The following CSAD variants were observed in gnomAD, a reference collection of about 807,000 sequenced individuals.
CSAD encodes P-selectin cytoplasmic tail-associated protein.
Under a neutral mutation model 61.5 loss-of-function variants are expected in CSAD, and 47 were observed. That is an observed-to-expected ratio of 0.76 (90% CI 0.60 to 0.97). The LOEUF is 0.97. CSAD is among the 50% of genes least tolerant of loss of function. CSAD has a pLI of 0.00. For missense variants in CSAD, 611 were observed against 643.6 expected (o/e 0.95, Z 0.55); for synonymous variants, 245 against 252.7 (o/e 0.97, Z 0.29).
upstream of CSAD, chr12:53,181,010 C>T: frequency 2.3e-6 from 2 of 858,936 alleles, no homozygotes; most frequent in Non-Finnish European, 2.9e-6. Context: ...CGCACACCGC[C>T]CCCTGCCCGC....
intron 1 of CSAD, chr12:53,179,688 G>C (rs538002217): frequency 8.4e-6 from 10 of 1,191,284 alleles, no homozygotes; most frequent in African/African-American, 3.2e-5. Context: ...AAAAAGTTGA[G>C]AATCCTTGTC....
At chr12:53,177,002 A>ATTAC (rs1228923253) in intron 2 of CSAD, among the ~76,000 whole-genome samples, 2 of 152,160 alleles carry the variant, frequency 1.3e-5, no homozygotes, top group African/African-American at 4.8e-5. Flanking sequence ...AAGCACTGGG[A>ATTAC]TTACAGGTGT....
At chr12:53,161,235 C>A in intron 11 of CSAD, 38 bp downstream of exon 11, 1 of 1,613,676 alleles carries the variant, frequency 6.2e-7, no homozygotes, top group Non-Finnish European at 8.5e-7. Context: ...CTTGGCTCAG[C>A]CCACCCCACC....
intron 2 of CSAD, among the ~76,000 whole-genome samples, chr12:53,174,806 A>G (rs1014693104): frequency 6.6e-6 from 1 of 152,126 alleles, no homozygotes; most frequent in African/African-American, 2.4e-5. Context: ...ATATATATAT[A>G]TATGGAGGAA....
chr12:53,176,767 G>A (rs1941141526), intron 2 of CSAD, among the ~76,000 whole-genome samples: 1 of 152,032 alleles, frequency 6.6e-6, no homozygotes, highest in African/African-American at 2.4e-5. Context: ...AAGTTTTGCT[G>A]TATCACCCAG....
intron 10 of CSAD, among the ~76,000 whole-genome samples, chr12:53,165,981 T>C (rs528882204): frequency 2.6e-5 from 4 of 152,226 alleles, no homozygotes; most frequent in Admixed American, 2.6e-4. Flanking sequence ...AATTCTCACA[T>C]GCTACGACGT....
In CSAD at chr12:53,179,991, C is replaced by G. The variant is rs190750372; in HGVS notation, c.-91+741G>C. 14 of 1,488,486 alleles carry G rather than the reference C, an allele frequency of 9.4e-6. No homozygotes were observed. The African/African-American group carries it at 1.3e-4, about 13-fold the overall frequency. The allele number at this position is 1,488,486 out of a possible 1,614,324, so 92.2% of individuals were successfully genotyped here. The stretch of plus-strand genomic sequence containing the variant: ...TCAGGGTCTTTTCCACGTGTGGAGG[C>G]TAGTGTTTGATGCTGGACGGCCTGG... On this transcript the variant is annotated intron_variant, in intron 1 of 16. Transcript: ENST00000444623.
upstream of CSAD, chr12:53,181,120 C>T (rs1010044708): frequency 6.2e-6 from 6 of 967,332 alleles, no homozygotes; most frequent in African/African-American, 1.1e-4. Flanking sequence ...GCTCTGCTCC[C>T]GGTTGGTGCA....
intron 7 of CSAD, 69 bp downstream of exon 7, chr12:53,171,813 G>T: frequency 9.5e-7 from 1 of 1,049,906 alleles, no homozygotes; most frequent in Non-Finnish European, 1.5e-6. Context: ...AGACACTAGA[G>T]CAAGAGAACG....
intron 16 of CSAD, 175 bp downstream of exon 16, chr12:53,159,448 T>C (rs2272305): frequency 0.068 from 42,038 of 615,874 alleles, 1,965 homozygotes; most frequent in East Asian, 0.19. Context: ...GCTTCTTACT[T>C]CCCAGAAACA....
At position 53,159,958 on chromosome 12, in the gene CSAD, A is replaced by G. The variant is rs1015667156; in HGVS notation, c.1167-20T>C. 17 of 1,606,284 alleles carry G rather than the reference A, an allele frequency of 1.1e-5. No homozygotes were observed. The highest frequency in any genetic ancestry group is 1.4e-5 in the Non-Finnish European group (16 of 1,175,664). On this transcript the variant is annotated intron_variant, in intron 14 of 16. Transcript: ENST00000444623. Reference sequence around the variant, plus strand: ...AGGTACCTGTGAACAGAGAGTGAGAAACCATAGGCGGGGAGGAAAAGCAGA... The same window carrying G: ...AGGTACCTGTGAACAGAGAGTGAGAGACCATAGGCGGGGAGGAAAAGCAGA...
At chr12:53,169,041 G>T (rs992525857) in intron 10 of CSAD, among the ~76,000 whole-genome samples, 5 of 151,706 alleles carry the variant, frequency 3.3e-5, no homozygotes, top group African/African-American at 1.2e-4. Context: ...TTAGCCAGGC[G>T]TGTTGATGCA....
Position 53,172,539 on chromosome 12 carries a change from C to A in CSAD, c.236G>T (p.Arg79Leu). ...GGGCCCACCAGTCTTGACACTGTAG[C>A]GAATCACAGCCCGACACCGCTCCAG... ...QILERCRAVIRYSVKTGHPRF... is the reference protein window; with the variant it reads ...QILERCRAVILYSVKTGHPRF... The change falls in exon 5 of 17, where the codon CGC becomes CTC. Residue 79 changes from arginine to leucine, a missense_variant. By Grantham distance (102) the Arg-to-Leu change is moderately radical. Coordinates refer to ENST00000444623, the MANE Select transcript of CSAD (RefSeq NM_001244705.2). 6.2e-7 allele frequency: 1 copy of A among 1,614,096 alleles called. No individual in the cohort carries two copies. Among genetic ancestry groups the A allele is most frequent in the Non-Finnish European group, 8.5e-7 (1 of 1,179,998 alleles).
At chr12:53,181,108 C>T (rs1470437208), upstream of CSAD, 1 of 951,304 alleles carries the variant, frequency 1.1e-6, no homozygotes, top group Admixed American at 6.2e-5. Context: ...CGGCACTCTC[C>T]GGCTCTGCTC....
chr12:53,178,383 T>A (rs551683409), intron 2 of CSAD: 1 of 455,908 alleles, frequency 2.2e-6, no homozygotes, highest in Admixed American at 2.4e-5. Flanking sequence ...TCCCAACTAC[T>A]TGGGAGGCTA....
At chr12:53,176,893 G>T (rs1268816219) in intron 2 of CSAD, among the ~76,000 whole-genome samples, 1 of 151,596 alleles carries the variant, frequency 6.6e-6, no homozygotes, top group African/African-American at 2.4e-5. Context: ...CCAGCATGCC[G>T]GGTTAATTTT....
chr12:53,159,603 G>C lies in CSAD; in HGVS notation c.1308+20C>G, dbSNP rs201803491. 2.5e-6 allele frequency: 4 copies of C among 1,601,092 alleles called. No homozygotes were observed. Among genetic ancestry groups the C allele is most frequent in the South Asian group, 2.3e-5 (2 of 88,812 alleles). On this transcript the variant is annotated intron_variant, in intron 16 of 16. Transcript: ENST00000444623. ...GCATCAGCTCCCTAACGGGTAAAGA[G>C]AGCAGCACAGCACGCCTACCTTTGA...
At chr12:53,175,771 T>C (rs142991104) in intron 2 of CSAD, among the ~76,000 whole-genome samples, 6 of 152,362 alleles carry the variant, frequency 3.9e-5, no homozygotes, top group African/African-American at 1.2e-4. Context: ...CAAGAATCTG[T>C]AGTAATGATA....
chr12:53,174,771 G>A (rs550640730), intron 2 of CSAD, among the ~76,000 whole-genome samples: 5 of 152,158 alleles, frequency 3.3e-5, no homozygotes, highest in Non-Finnish European at 7.3e-5. Flanking sequence ...CAGCCTGGGC[G>A]ACAGAGTGGG....
Sources: allele counts gnomAD v4.1 joint callset (sites outside exome capture counted in the v4.1 genomes callset), GRCh38; gene constraint gnomAD v4.1.1; transcripts MANE v1.5; gene names NCBI Gene and HGNC (gene_info 2026-07-23, HGNC 2026-07-21).